The following ARF6 variants were observed in gnomAD, a reference collection of about 807,000 sequenced individuals.
The protein encoded by ARF6 is ARF GTPase 6.
For synonymous variants in ARF6, 127 were observed against 95.5 expected, an observed-to-expected ratio of 1.33 and a Z score of -1.92; for missense variants, 75 against 232.0, an observed-to-expected ratio of 0.32 and a Z score of 4.40.
Position 49,894,475 on chromosome 14 carries a change from T to G in ARF6, c.*211T>G, listed in dbSNP as rs1277686218. ...TTCCTTTTTTTTTTTTTTTTTTTTT[T>G]GTTGGCTTTGCGTTAGGATGCTCTG... On this transcript the variant is annotated 3_prime_UTR_variant, in exon 2 of 2. Transcript: ENST00000298316. 1.2e-4 allele frequency: 53 copies of G among 424,614 alleles called. No homozygotes were observed. The highest frequency in any genetic ancestry group is 1.9e-4 in the Non-Finnish European group (47 of 246,336). 26.3% of individuals were successfully genotyped at this position (424,614 alleles called of 1,614,324 possible).
chr14:49,893,959 C>T lies in ARF6; in HGVS notation c.223C>T (p.Arg75Trp). 1 of 1,614,238 alleles carries T rather than the reference C, an allele frequency of 6.2e-7. No homozygotes were observed. The highest frequency in any genetic ancestry group is 2.2e-5 in the East Asian group (1 of 44,884). ...CCAGGACAAGATCCGGCCGCTCTGG[C>T]GGCATTACTACACTGGGACCCAAGG... ...GGQDKIRPLWRHYYTGTQGLI... is the reference protein window; with the variant it reads ...GGQDKIRPLWWHYYTGTQGLI... Residue 75 changes from arginine (R) to tryptophan (W), a missense_variant, in exon 2 of 2, where the codon CGG becomes TGG. Physicochemically the swap from Arg to Trp is moderately radical, Grantham distance 101. Coordinates refer to ENST00000298316, the MANE Select transcript of ARF6 (RefSeq NM_001663.4).
chr14:49,896,024 C>A lies in ARF6; in HGVS notation c.*1760C>A, dbSNP rs1379351053. 6.0e-6 allele frequency: 1 copy of A among 166,520 alleles called. No homozygotes were observed. The highest frequency in any genetic ancestry group is 1.5e-5 in the Non-Finnish European group (1 of 68,088). 10.3% of individuals were successfully genotyped at this position (166,520 alleles called of 1,614,324 possible). ...ATAGTTGGACAGTATTGGTCCTTCA[C>A]ACTTTGGCCATATTGTATAATGGAG... On this transcript the variant is annotated 3_prime_UTR_variant, in exon 2 of 2. Coordinates refer to ENST00000298316, the MANE Select transcript of ARF6 (RefSeq NM_001663.4).
In ARF6 at chr14:49,893,982, A is replaced by G. The variant is rs1594840830; in HGVS notation, c.246A>G (p.Gln82=). Residue 82 remains glutamine, a synonymous_variant, in exon 2 of 2, where the codon CAA becomes CAG. Coordinates refer to ENST00000298316, the MANE Select transcript of ARF6 (RefSeq NM_001663.4). ...GGCGGCATTACTACACTGGGACCCA[A>G]GGTCTCATCTTCGTAGTGGACTGCG... is the stretch of plus-strand genomic sequence containing the variant. ...PLWRHYYTGT[Q]GLIFVVDCAD... is the part of the protein sequence containing the mutation. The G allele has an allele frequency of 1.9e-6, 3 of 1,614,232 alleles. No individual in the cohort carries two copies. Among genetic ancestry groups the G allele is most frequent in the Non-Finnish European group, 2.5e-6 (3 of 1,180,038 alleles).
Position 49,894,809 on chromosome 14 carries a change from C to T in ARF6, c.*545C>T, listed in dbSNP as rs1230430944. On this transcript the variant is annotated 3_prime_UTR_variant, in exon 2 of 2. Transcript: ENST00000298316. ...CTTTTATATTTAAGGCCTTCCCCCCCCTTCCTTATGAGTTCTAACTTAGTA... is the reference window on the plus strand; with the variant it reads ...CTTTTATATTTAAGGCCTTCCCCCCTCTTCCTTATGAGTTCTAACTTAGTA... The T allele has an allele frequency of 1.2e-5, 2 of 167,484 alleles. No individual in the cohort carries two copies. Among genetic ancestry groups the T allele is most frequent in the Non-Finnish European group, 2.9e-5 (2 of 68,444 alleles). 10.4% of individuals were successfully genotyped at this position (167,484 alleles called of 1,614,324 possible).
In ARF6 at chr14:49,896,912, T is replaced by G. The variant is rs1463762602; in HGVS notation, c.*2648T>G. 6.0e-6 allele frequency: 1 copy of G among 167,040 alleles called. No homozygotes were observed. The highest frequency in any genetic ancestry group is 1.5e-5 in the Non-Finnish European group (1 of 68,094). The allele number at this position is 167,040 out of a possible 1,614,324, so 10.3% of individuals were successfully genotyped here. A position where few individuals can be genotyped will look rare whatever the true frequency, so the allele number is the denominator to read the frequency against. The stretch of plus-strand genomic sequence containing the variant: ...AAACTGCAGTAAGTTTTGAATGAGG[T>G]TAATCTTGTTTAATATAAGTAAATG... On this transcript the variant is annotated 3_prime_UTR_variant, in exon 2 of 2. Coordinates refer to ENST00000298316, the MANE Select transcript of ARF6 (RefSeq NM_001663.4).
chr14:49,894,457 T>A lies in ARF6; in HGVS notation c.*193T>A. On this transcript the variant is annotated 3_prime_UTR_variant, in exon 2 of 2. Coordinates refer to ENST00000298316, the MANE Select transcript of ARF6 (RefSeq NM_001663.4). ...GTTTGTTTCCCTTTCTTTTTCCTTT[T>A]TTTTTTTTTTTTTTTTTTGTTGGCT... 23 of 216,398 alleles carry A rather than the reference T, an allele frequency of 1.1e-4. No homozygotes were observed. Among genetic ancestry groups the A allele is most frequent in the Non-Finnish European group, 1.5e-4 (17 of 111,742 alleles). The allele number at this position is 216,398 out of a possible 1,614,324, so 13.4% of individuals were successfully genotyped here.
Position 49,896,542 on chromosome 14 carries a change from G to A in ARF6, c.*2278G>A, listed in dbSNP as rs1286556496. ...TTTTTTGTGTCTTAAAATAACTGGGGGCATAGTTAAAATTTTATACATCAA... is the reference window on the plus strand; with the variant it reads ...TTTTTTGTGTCTTAAAATAACTGGGAGCATAGTTAAAATTTTATACATCAA... On this transcript the variant is annotated 3_prime_UTR_variant, in exon 2 of 2. Coordinates refer to ENST00000298316, the MANE Select transcript of ARF6 (RefSeq NM_001663.4). The A allele has an allele frequency of 6.0e-6, 1 of 166,828 alleles. No homozygotes were observed. Among genetic ancestry groups the A allele is most frequent in the Non-Finnish European group, 1.5e-5 (1 of 68,046 alleles). 10.3% of individuals were successfully genotyped at this position (166,828 alleles called of 1,614,324 possible).
rs548696241 is a variant in ARF6 at position 49,894,824 on chromosome 14, C to T, written c.*560C>T. The T allele has an allele frequency of 4.8e-5, 8 of 167,252 alleles. No individual in the cohort carries two copies. The highest frequency in any genetic ancestry group is 8.8e-5 in the Non-Finnish European group (6 of 68,322). The allele number at this position is 167,252 out of a possible 1,614,324, so 10.4% of individuals were successfully genotyped here. On this transcript the variant is annotated 3_prime_UTR_variant, in exon 2 of 2. Transcript: ENST00000298316. ...CCTTCCCCCCCCTTCCTTATGAGTT[C>T]TAACTTAGTAATTTCAAATGTGACC... is the stretch of plus-strand genomic sequence containing the variant.
Position 49,896,131 on chromosome 14 carries a change from T to C in ARF6, c.*1867T>C, listed in dbSNP as rs527464763. On this transcript the variant is annotated 3_prime_UTR_variant, in exon 2 of 2. Transcript: ENST00000298316. ...TAAAACTCTTAACAAACATTTTACT[T>C]AAAGCAGATGCAAAAGGGTATTCTC... is the stretch of plus-strand genomic sequence containing the variant. 3.1e-4 allele frequency: 51 copies of C among 165,158 alleles called. No individual in the cohort carries two copies. The highest frequency in any genetic ancestry group is 1.2e-3 in the African/African-American group (50 of 41,578). The allele number at this position is 165,158 out of a possible 1,614,324, so 10.2% of individuals were successfully genotyped here.
Position 49,894,417 on chromosome 14 carries a change from G to A in ARF6, c.*153G>A, listed in dbSNP as rs1373218420. ...TACAGTTTGGCGGGGACGGGGCTTG[G>A]GGGTTTTCTCTTTTGTTTGTTTCCC... is the stretch of plus-strand genomic sequence containing the variant. On this transcript the variant is annotated 3_prime_UTR_variant, in exon 2 of 2. Coordinates refer to ENST00000298316, the MANE Select transcript of ARF6 (RefSeq NM_001663.4). 5.2e-6 allele frequency: 4 copies of A among 769,402 alleles called. No homozygotes were observed. Among genetic ancestry groups the A allele is most frequent in the Non-Finnish European group, 7.9e-6 (4 of 504,328 alleles). The allele number at this position is 769,402 out of a possible 1,614,324, so 47.7% of individuals were successfully genotyped here.
chr14:49,893,907 C>A lies in ARF6; in HGVS notation c.171C>A (p.Val57=). 1 of 1,614,190 alleles carries A rather than the reference C, an allele frequency of 6.2e-7. No homozygotes were observed. The highest frequency in any genetic ancestry group is 1.1e-5 in the South Asian group (1 of 91,068). The part of the protein sequence containing the change: ...FNVETVTYKN[V]KFNVWDVGGQ... ...TGGAGACGGTGACTTACAAAAATGT[C>A]AAGTTCAACGTATGGGATGTGGGCG... is the stretch of plus-strand genomic sequence containing the variant. The change falls in exon 2 of 2, where the codon GTC becomes GTA. Residue 57 remains valine, a synonymous_variant. Coordinates refer to ENST00000298316, the MANE Select transcript of ARF6 (RefSeq NM_001663.4).
At position 49,894,356 on chromosome 14, in the gene ARF6, C is replaced by T. The variant is rs112211624; in HGVS notation, c.*92C>T. The stretch of plus-strand genomic sequence containing the variant: ...CATCACCTCTTTCAATTGCCACTTT[C>T]TCTTCTTTTGAATTTGAACTCTGGA... On this transcript the variant is annotated 3_prime_UTR_variant, in exon 2 of 2. Coordinates refer to ENST00000298316, the MANE Select transcript of ARF6 (RefSeq NM_001663.4). 0.039 allele frequency: 51,676 copies of T among 1,324,348 alleles called. 1,229 individuals are homozygous for T. Among genetic ancestry groups the T allele is most frequent in the Middle Eastern group, 0.05 (262 of 5,260 alleles). The allele number at this position is 1,324,348 out of a possible 1,614,324, so 82.0% of individuals were successfully genotyped here. A position where few individuals can be genotyped will look rare whatever the true frequency, so the allele number is the denominator to read the frequency against.
rs201725640 is a variant in ARF6 at position 49,893,703 on chromosome 14, C to A, written c.-34C>A. Reference sequence around the variant, plus strand: ...TTGTTGGCTGAGGGGACCCGGGACACCTGAATGCCCCCGGCCCCGGCTCCT... The same window carrying A: ...TTGTTGGCTGAGGGGACCCGGGACAACTGAATGCCCCCGGCCCCGGCTCCT... On this transcript the variant is annotated 5_prime_UTR_variant, in exon 2 of 2. Coordinates refer to ENST00000298316, the MANE Select transcript of ARF6 (RefSeq NM_001663.4). 13 of 1,597,816 alleles carry A rather than the reference C, an allele frequency of 8.1e-6. No individual in the cohort carries two copies. Among genetic ancestry groups the A allele is most frequent in the Middle Eastern group, 1.7e-4 (1 of 5,998 alleles).
At position 49,893,455 on chromosome 14, in the gene ARF6, A is replaced by G. The variant is rs1271034740; in HGVS notation, c.-282A>G. Reference sequence around the variant, plus strand: ...CGCTCGCGCGGCGCCTGCGGGGGGAAGGGCAGTTCCGGGCCGGGCCGCGCC... The same window carrying G: ...CGCTCGCGCGGCGCCTGCGGGGGGAGGGGCAGTTCCGGGCCGGGCCGCGCC... On this transcript the variant is annotated 5_prime_UTR_variant, in exon 2 of 2. Transcript: ENST00000298316. The G allele has an allele frequency of 7.4e-6, 2 of 271,496 alleles. No homozygotes were observed. The highest frequency in any genetic ancestry group is 5.5e-5 in the Admixed American group (1 of 18,310). The allele number at this position is 271,496 out of a possible 1,614,324, so 16.8% of individuals were successfully genotyped here. A position where few individuals can be genotyped will look rare whatever the true frequency, so the allele number is the denominator to read the frequency against.
rs1301700247 is a variant in ARF6 at position 49,896,931 on chromosome 14, G to A, written c.*2667G>A. The stretch of plus-strand genomic sequence containing the variant: ...ATGAGGTTAATCTTGTTTAATATAA[G>A]TAAATGAGTCTGTAGACTGTGATCT... On this transcript the variant is annotated 3_prime_UTR_variant, in exon 2 of 2. Transcript: ENST00000298316. 6.0e-6 allele frequency: 1 copy of A among 167,044 alleles called. No individual in the cohort carries two copies. Among genetic ancestry groups the A allele is most frequent in the Non-Finnish European group, 1.5e-5 (1 of 68,096 alleles). 10.3% of individuals were successfully genotyped at this position (167,044 alleles called of 1,614,324 possible). A position where few individuals can be genotyped will look rare whatever the true frequency, so the allele number is the denominator to read the frequency against.
chr14:49,896,538 T>G lies in ARF6; in HGVS notation c.*2274T>G, dbSNP rs1449820844. On this transcript the variant is annotated 3_prime_UTR_variant, in exon 2 of 2. Coordinates refer to ENST00000298316, the MANE Select transcript of ARF6 (RefSeq NM_001663.4). ...CCATTTTTTTGTGTCTTAAAATAAC[T>G]GGGGGCATAGTTAAAATTTTATACA... The G allele has an allele frequency of 1.2e-5, 2 of 167,018 alleles. No homozygotes were observed. The highest frequency in any genetic ancestry group is 2.1e-4 in the South Asian group (1 of 4,834). 10.3% of individuals were successfully genotyped at this position (167,018 alleles called of 1,614,324 possible).
At position 49,893,973 on chromosome 14, in the gene ARF6, T is replaced by G; in HGVS notation, c.237T>G (p.Thr79=). 1.2e-6 allele frequency: 2 copies of G among 1,614,226 alleles called. No individual in the cohort carries two copies. The highest frequency in any genetic ancestry group is 1.7e-6 in the Non-Finnish European group (2 of 1,180,044). The change falls in exon 2 of 2, where the codon ACT becomes ACG. Residue 79 remains threonine, a synonymous_variant. Transcript: ENST00000298316. The stretch of plus-strand genomic sequence containing the variant: ...GGCCGCTCTGGCGGCATTACTACAC[T>G]GGGACCCAAGGTCTCATCTTCGTAG... ...KIRPLWRHYY[T]GTQGLIFVVD... is the part of the protein sequence containing the mutation.
chr14:49,895,491 G>A lies in ARF6; in HGVS notation c.*1227G>A, dbSNP rs1287383790. ...ACACTGGAAAAGATGTTTTATAAAA[G>A]AGGTATTTAATTTTGTTTGTAGGAT... On this transcript the variant is annotated 3_prime_UTR_variant, in exon 2 of 2. Transcript: ENST00000298316. 4 of 167,032 alleles carry A rather than the reference G, an allele frequency of 2.4e-5. No homozygotes were observed. The highest frequency in any genetic ancestry group is 9.7e-5 in the African/African-American group (4 of 41,426). The allele number at this position is 167,032 out of a possible 1,614,324, so 10.3% of individuals were successfully genotyped here.
chr14:49,893,716 G>A lies in ARF6; in HGVS notation c.-21G>A, dbSNP rs1244544458. On this transcript the variant is annotated 5_prime_UTR_variant, in exon 2 of 2. Coordinates refer to ENST00000298316, the MANE Select transcript of ARF6 (RefSeq NM_001663.4). The stretch of plus-strand genomic sequence containing the variant: ...GGACCCGGGACACCTGAATGCCCCC[G>A]GCCCCGGCTCCTCCGACGCGATGGG... The A allele has an allele frequency of 3.1e-6, 5 of 1,603,620 alleles. No homozygotes were observed. The highest frequency in any genetic ancestry group is 3.4e-6 in the Non-Finnish European group (4 of 1,171,732).
Sources: allele counts gnomAD v4.1 joint callset, GRCh38; gene constraint gnomAD v4.1.1; transcripts MANE v1.5; gene names NCBI Gene and HGNC (gene_info 2026-07-23, HGNC 2026-07-21).